Variants in ZMAT4 observed in about 807,000 individuals in gnomAD.
The protein encoded by ZMAT4 is zinc finger matrin-type 4.
In ZMAT4, 17 loss-of-function variants were observed where a neutral mutation model predicts 28.7. That is an observed-to-expected ratio of 0.59 (90% CI 0.41 to 0.89). The LOEUF is 0.89. ZMAT4 is among the 40% of genes least tolerant of loss of function. The pLI is 0.00. For missense variants in ZMAT4, 240 were observed against 283.8 expected (o/e 0.85, Z 1.11); for synonymous variants, 117 against 109.2 (o/e 1.07, Z -0.44).
chr8:40,580,753 T>A (rs190363946), intron 6 of ZMAT4, among the ~76,000 whole-genome samples: 16 of 152,308 alleles, frequency 1.1e-4, no homozygotes, highest in Admixed American at 4.6e-4. Flanking sequence ...TATAAATGAC[T>A]TAATATCCTG....
chr8:40,824,941 T>A (rs1815978859), intron 2 of ZMAT4, among the ~76,000 whole-genome samples: 1 of 152,194 alleles, frequency 6.6e-6, no homozygotes, highest in Non-Finnish European at 1.5e-5. Context: ...CCTCTCATCC[T>A]CTGCTCCCAA....
At chr8:40,538,401 G>A (rs1056090361) in intron 6 of ZMAT4, among the ~76,000 whole-genome samples, 1 of 152,126 alleles carries the variant, frequency 6.6e-6, no homozygotes, top group Non-Finnish European at 1.5e-5. Context: ...AAATGTATTT[G>A]ATTGATGTCT....
intron 2 of ZMAT4, among the ~76,000 whole-genome samples, chr8:40,802,348 C>A (rs1356633204): frequency 6.6e-6 from 1 of 152,112 alleles, no homozygotes; most frequent in African/African-American, 2.4e-5. Flanking sequence ...AACAAAATGG[C>A]CCCTAGAATT....
intron 2 of ZMAT4, among the ~76,000 whole-genome samples, chr8:40,773,052 A>G (rs1319929839): frequency 6.6e-6 from 1 of 152,220 alleles, no homozygotes; most frequent in African/African-American, 2.4e-5. Context: ...TGGTCTCACT[A>G]GGAGGCAGGG....
intron 5 of ZMAT4, among the ~76,000 whole-genome samples, chr8:40,673,042 C>T (rs1247309022): frequency 2.0e-5 from 3 of 152,128 alleles, no homozygotes; most frequent in Non-Finnish European, 4.4e-5. Context: ...AAATCAATCT[C>T]GAATCAAGCT....
chr8:40,692,623 T>TA (rs1451745872), intron 4 of ZMAT4, among the ~76,000 whole-genome samples: 1 of 152,200 alleles, frequency 6.6e-6, no homozygotes, highest in African/African-American at 2.4e-5. Flanking sequence ...GGGTGTCTGA[T>TA]AAGCAAAGTC....
chr8:40,716,815 G>A (rs1810877985), intron 3 of ZMAT4, among the ~76,000 whole-genome samples: 1 of 152,186 alleles, frequency 6.6e-6, no homozygotes, highest in Non-Finnish European at 1.5e-5. Context: ...GTCTCCTTGA[G>A]ATATCAACAA....
chr8:40,580,654 G>GA (rs1236496466), intron 6 of ZMAT4, among the ~76,000 whole-genome samples: 3 of 151,790 alleles, frequency 2.0e-5, no homozygotes, highest in East Asian at 1.9e-4. Context: ...GAGAATATTT[G>GA]AAAAAAATGG....
chr8:40,893,527 G>A (rs1818766040), intron 1 of ZMAT4, among the ~76,000 whole-genome samples: 1 of 152,144 alleles, frequency 6.6e-6, no homozygotes, highest in Non-Finnish European at 1.5e-5. Context: ...TTTCAGCATG[G>A]GTCAGAGCAG....
At position 40,696,434 on chromosome 8, in the gene ZMAT4, A is replaced by T. The variant is rs1585893730; in HGVS notation, c.349+811T>A. Among the ~76,000 whole-genome samples, 4 of 152,230 alleles carry T rather than the reference A, an allele frequency of 2.6e-5. No homozygotes were observed. In the South Asian group the frequency reaches 8.3e-4, roughly 31 times the overall value. ...TGCTAAATTTTAATCGCATGGAAAG[A>T]GTAGGCACCATGAAATACGCCCCCA... On this transcript the variant is annotated intron_variant, in intron 4 of 6. Coordinates refer to ENST00000297737, the MANE Select transcript of ZMAT4 (RefSeq NM_024645.3).
At chr8:40,851,295 T>C (rs931903925) in intron 1 of ZMAT4, among the ~76,000 whole-genome samples, 5 of 152,134 alleles carry the variant, frequency 3.3e-5, no homozygotes, top group African/African-American at 1.2e-4. Context: ...ACCATTGCTC[T>C]CCAGCCTGAG....
At chr8:40,701,138 G>T (rs1255354043) in intron 3 of ZMAT4, among the ~76,000 whole-genome samples, 1 of 152,076 alleles carries the variant, frequency 6.6e-6, no homozygotes, top group Non-Finnish European at 1.5e-5. Flanking sequence ...CCAACTTGAG[G>T]GTTCAGTAGG....
intron 2 of ZMAT4, among the ~76,000 whole-genome samples, chr8:40,779,097 G>C (rs1813720273): frequency 6.6e-6 from 1 of 152,072 alleles, no homozygotes; most frequent in South Asian, 2.1e-4. Context: ...GGACCTGGTG[G>C]GAGATAATTG....
chr8:40,593,755 T>G (rs1804971485), intron 5 of ZMAT4, among the ~76,000 whole-genome samples: 1 of 152,150 alleles, frequency 6.6e-6, no homozygotes, highest in Non-Finnish European at 1.5e-5. Context: ...CATGTTTTAT[T>G]AAAACCAGAT....
chr8:40,601,728 A>G lies in ZMAT4; in HGVS notation c.578-20467T>C, dbSNP rs558885747. Among the ~76,000 whole-genome samples, 6 of 65,402 alleles carry G rather than the reference A, an allele frequency of 9.2e-5. No homozygotes were observed. In the South Asian group the frequency reaches 2.9e-3, roughly 32 times the overall value. The allele number at this position is 65,402 out of a possible 152,430, so 42.9% of individuals were successfully genotyped here. A position where few individuals can be genotyped will look rare whatever the true frequency, so the allele number is the denominator to read the frequency against. On this transcript the variant is annotated intron_variant, in intron 5 of 6. Coordinates refer to ENST00000297737, the MANE Select transcript of ZMAT4 (RefSeq NM_024645.3). ...AGAAAAGAAAGAAAGAAAGAAAGAA[A>G]GAGAAAGCAGGCAGGCAGGCAGGCA...
intron 4 of ZMAT4, among the ~76,000 whole-genome samples, chr8:40,690,041 A>G (rs1394870775): frequency 6.6e-6 from 1 of 152,186 alleles, no homozygotes; most frequent in East Asian, 1.9e-4. Context: ...TTAGTCATCA[A>G]CTATAAAACA....
chr8:40,599,505 G>T (rs1370578788), intron 5 of ZMAT4, among the ~76,000 whole-genome samples: 4 of 152,142 alleles, frequency 2.6e-5, no homozygotes, highest in Non-Finnish European at 5.9e-5. Flanking sequence ...CCAAAGAAGG[G>T]TTTTTTTAGT....
chr8:40,562,722 A>G (rs1329612847), intron 6 of ZMAT4, among the ~76,000 whole-genome samples: 1 of 152,088 alleles, frequency 6.6e-6, no homozygotes, highest in Admixed American at 6.6e-5. Flanking sequence ...CTCCTGATTG[A>G]CAAGCCATCT....
chr8:40,779,272 C>T (rs1027656290), intron 2 of ZMAT4, among the ~76,000 whole-genome samples: 2 of 152,102 alleles, frequency 1.3e-5, no homozygotes, highest in Admixed American at 6.5e-5. Flanking sequence ...TGCGAGGCCT[C>T]CCCAACCACG....
Sources: gnomAD v4.1 joint callset for allele counts (sites outside exome capture counted in the v4.1 genomes callset) on GRCh38, gnomAD v4.1.1 for gene constraint, MANE v1.5 for transcripts, NCBI Gene and HGNC (gene_info 2026-07-23, HGNC 2026-07-21) for gene names.